ASB10: variants seen among roughly 807,000 people sequenced by gnomAD.
ASB10 encodes ankyrin repeat and SOCS box containing 10.
A neutral mutation model predicts 35.4 loss-of-function variants in ASB10; 44 were observed. The observed-to-expected ratio is 1.24, with a 90% CI of 0.98 to 1.60. ASB10 has a LOEUF of 1.60. Among genes scored for constraint, ASB10 ranks in the 40% most tolerant of loss-of-function variants. The pLI is 0.00. For synonymous variants in ASB10, 294 were observed against 280.4 expected (o/e 1.05, Z -0.49); for missense variants, 647 against 634.3 (o/e 1.02, Z -0.22).
chr7:151,184,168 C>T (rs942438287), intron 2 of ASB10, among the ~76,000 whole-genome samples: 1 of 151,928 alleles, frequency 6.6e-6, no homozygotes, highest in Non-Finnish European at 1.5e-5. Context: ...AATCCCAGCA[C>T]TTTGGGAGGC....
chr7:151,176,329 C>A, intron 4 of ASB10, 32 bp from the exon 5 acceptor site: 1 of 1,519,830 alleles, frequency 6.6e-7, no homozygotes. Context: ...CAGTGAGAGG[C>A]AGCCTCAGAC....
At chr7:151,182,665 C>T (rs563141271) in intron 2 of ASB10, among the ~76,000 whole-genome samples, 1 of 152,228 alleles carries the variant, frequency 6.6e-6, no homozygotes, top group African/African-American at 2.4e-5. Flanking sequence ...GTCACAGCAA[C>T]GTGTGTGCCT....
Position 151,186,610 on chromosome 7 carries a change from C to T in ASB10, c.366G>A (p.Val122=). Residue 122 remains valine (V), a synonymous_variant, in exon 2 of 6, where the codon GTG becomes GTA. Transcript: ENST00000420175. The part of the protein sequence containing the change: ...YEEELTTPLH[V]AASRGHTEVL... ...CTTCCGTGTGGCCACGGCTGGCTGCCACATGCAGTGGGGTGGTCAGCTCCT... is the reference window on the plus strand; with the variant it reads ...CTTCCGTGTGGCCACGGCTGGCTGCTACATGCAGTGGGGTGGTCAGCTCCT... 1.2e-6 allele frequency: 2 copies of T among 1,611,048 alleles called. No homozygotes were observed. The highest frequency in any genetic ancestry group is 1.7e-6 in the Non-Finnish European group (2 of 1,179,222).
chr7:151,183,832 C>T (rs868315351), intron 2 of ASB10, among the ~76,000 whole-genome samples: 2 of 152,088 alleles, frequency 1.3e-5, no homozygotes, highest in South Asian at 2.1e-4. Flanking sequence ...GTGATCCACC[C>T]GGCTCGGCCT....
intron 3 of ASB10, among the ~76,000 whole-genome samples, chr7:151,180,360 T>C (rs1801462577): frequency 6.6e-6 from 1 of 152,218 alleles, no homozygotes; most frequent in South Asian, 2.1e-4. Flanking sequence ...GCAGCTGTTC[T>C]GGGGGCTGTG....
intron 3 of ASB10, 148 bp downstream of exon 3, chr7:151,180,791 T>A: frequency 1.5e-6 from 2 of 1,366,908 alleles, no homozygotes; most frequent in Non-Finnish European, 1.9e-6. Flanking sequence ...TGACCCCTAT[T>A]TGGGCTTTGC....
At chr7:151,176,357 C>A in intron 4 of ASB10, 60 bp from the exon 5 acceptor site, 1 of 1,507,032 alleles carries the variant, frequency 6.6e-7, no homozygotes. Context: ...ACCGGCTCCT[C>A]CTCACAGGGT....
rs759497151 is a variant in ASB10 at position 151,181,004 on chromosome 7, C to T, written c.1039G>A (p.Glu347Lys). Reference sequence around the variant, plus strand: ...TTGAGCAGAGCCCGAACCACGTGCTCGGGGCTCTGGGCCAGGGCTGCAGCT... The same window carrying T: ...TTGAGCAGAGCCCGAACCACGTGCTTGGGGCTCTGGGCCAGGGCTGCAGCT... ...GPAAALAQSP[E>K]HVVRALLNHG... Residue 347 changes from glutamate (E) to lysine (K), a missense_variant, in exon 3 of 6, where the codon GAG becomes AAG. Transcript: ENST00000420175. The T allele has an allele frequency of 8.7e-6, 14 of 1,600,868 alleles. No individual in the cohort carries two copies. Among genetic ancestry groups the T allele is most frequent in the Admixed American group, 5.0e-5 (3 of 59,642 alleles).
chr7:151,187,479 C>A, upstream of ASB10: 1 of 1,551,304 alleles, frequency 6.4e-7, no homozygotes, highest in Non-Finnish European at 8.7e-7. This position sits in a 1 kb window ranked among gnomAD's most constrained non-coding sequence, Gnocchi z 5.3. Flanking sequence ...CAGCGAGGCT[C>A]TGCGGCCCGG....
upstream of ASB10, chr7:151,187,361 G>C (rs753719974): frequency 2.6e-6 from 4 of 1,538,042 alleles, no homozygotes; most frequent in East Asian, 9.8e-5. This position sits in a 1 kb window ranked among gnomAD's most constrained non-coding sequence, Gnocchi z 5.3. Context: ...ACAGCCGGGG[G>C]CTTCTCCTTT....
Position 151,181,429 on chromosome 7 carries a change from G to A in ASB10, c.614C>T (p.Ala205Val), listed in dbSNP as rs375044701. Residue 205 changes from alanine (A) to valine (V), a missense_variant, in exon 3 of 6, where the codon GCG becomes GTG. Physicochemically the swap from Ala to Val is moderately conservative, Grantham distance 64 (BLOSUM62 0). Transcript: ENST00000420175. ...TTCCTCGGACCGACCATCCACTCTC[G>A]CTCCAAACCTGAGGAGCAGCTCCGC... ...ECAELLLRFG[A>V]RVDGRSEEEE... is the part of the protein sequence containing the mutation. The A allele has an allele frequency of 3.0e-5, 48 of 1,603,426 alleles. No individual in the cohort carries two copies. The highest frequency in any genetic ancestry group is 8.9e-5 in the South Asian group (8 of 90,258).
chr7:151,176,343 T>C (rs776903856), intron 4 of ASB10, 46 bp from the exon 5 acceptor site: 16 of 1,513,486 alleles, frequency 1.1e-5, no homozygotes, highest in Non-Finnish European at 1.4e-5. Flanking sequence ...CTCAGACAGG[T>C]AGCACCGGCT....
At chr7:151,184,276 G>A (rs905041244) in intron 2 of ASB10, among the ~76,000 whole-genome samples, 3 of 152,038 alleles carry the variant, frequency 2.0e-5, no homozygotes, top group African/African-American at 4.8e-5. Context: ...AGCCGGGTGC[G>A]GTGGTGGGCG....
In ASB10 at chr7:151,186,814, C is replaced by T. The variant is rs1250466915; in HGVS notation, c.316+1G>A. ...AGAGCCCCCAGTGCCCCGGCCCGTA[C>T]TCAGAGCACGGATGTTGAAGCGGAA... On this transcript the variant is annotated splice_donor_variant, in intron 1 of 5. Coordinates refer to ENST00000420175, the MANE Select transcript of ASB10 (RefSeq NM_001142459.2). LOFTEE classifies it high-confidence loss of function. 6.3e-7 allele frequency: 1 copy of T among 1,588,640 alleles called. No individual in the cohort carries two copies. Among genetic ancestry groups the T allele is most frequent in the Non-Finnish European group, 8.6e-7 (1 of 1,164,110 alleles).
In ASB10 at chr7:151,186,380, G is replaced by A. The variant is rs746324425; in HGVS notation, c.584+12C>T. ...AGAGTGGAACTGGGGGTTGGGGTGA[G>A]GGGTCACTCACTCAAGGGTGCCAGG... On this transcript the variant is annotated intron_variant, in intron 2 of 5. Coordinates refer to ENST00000420175, the MANE Select transcript of ASB10 (RefSeq NM_001142459.2). 3 of 1,574,230 alleles carry A rather than the reference G, an allele frequency of 1.9e-6. 1 individual carries two copies. Among genetic ancestry groups the A allele is most frequent in the Non-Finnish European group, 8.6e-7 (1 of 1,160,136 alleles).
intron 2 of ASB10, among the ~76,000 whole-genome samples, chr7:151,182,837 CA>C (rs1304627070): frequency 1.2e-4 from 19 of 152,106 alleles, no homozygotes; most frequent in Non-Finnish European, 7.4e-5. Flanking sequence ...CGACACTTGG[CA>C]GGGGGAGTGG....
chr7:151,181,346 G>C lies in ASB10; in HGVS notation c.697C>G (p.Leu233Val), dbSNP rs772695966. ...GGACATGCCCCCCGTCTTAGAAGCA[G>C]ATCTGCCAGCTCCACATGGCCAAGC... The part of the protein sequence containing the change: ...ARLGHVELAD[L>V]LLRRGACPDA... The change falls in exon 3 of 6, where the codon CTG becomes GTG. Residue 233 changes from leucine (L) to valine (V), a missense_variant. Coordinates refer to ENST00000420175, the MANE Select transcript of ASB10 (RefSeq NM_001142459.2). 6.2e-7 allele frequency: 1 copy of C among 1,613,216 alleles called. No homozygotes were observed.
rs568654576 is a variant in ASB10 at position 151,177,978 on chromosome 7, C to T, written c.1105-1302G>A. Among the ~76,000 whole-genome samples, 30 of 152,276 alleles carry T rather than the reference C, an allele frequency of 2.0e-4. No individual in the cohort carries two copies. The South Asian group carries it at 5.2e-3, about 26-fold the overall frequency. On this transcript the variant is annotated intron_variant, in intron 3 of 5. Coordinates refer to ENST00000420175, the MANE Select transcript of ASB10 (RefSeq NM_001142459.2). ...AAAAATAAGAAGGAGCCGGGCGTGGCGGCTCATGCCTGTAATCCCAGCGCT... is the reference window on the plus strand; with the variant it reads ...AAAAATAAGAAGGAGCCGGGCGTGGTGGCTCATGCCTGTAATCCCAGCGCT...
chr7:151,182,031 G>C (rs1478952626), intron 2 of ASB10, among the ~76,000 whole-genome samples: 2 of 152,198 alleles, frequency 1.3e-5, no homozygotes, highest in Admixed American at 6.5e-5. Flanking sequence ...GCCTGCTAAG[G>C]GTTTTACGTG....
Sources: gnomAD v4.1 joint callset for allele counts (sites outside exome capture counted in the v4.1 genomes callset) on GRCh38, gnomAD v4.1.1 for gene constraint, Gnocchi (gnomAD v3.1) non-coding constraint, MANE v1.5 for transcripts, NCBI Gene and HGNC (gene_info 2026-07-23, HGNC 2026-07-21) for gene names.